Variants in CC2D1A observed in about 807,000 individuals in gnomAD.
CC2D1A encodes coiled-coil and C2 domain-containing protein 1A.
In CC2D1A, 68 loss-of-function variants were observed where a neutral mutation model predicts 123.8. The ratio of observed to expected loss-of-function variants is 0.55; its 90% CI spans 0.45 to 0.67. The LOEUF (loss-of-function observed/expected upper bound fraction) is 0.67, where lower values mean the gene tolerates loss of function less well. CC2D1A is among the 30% of genes least tolerant of loss of function. The pLI is 0.00. For missense variants in CC2D1A, 1,185 were observed against 1,290.3 expected (o/e 0.92, Z 1.25); for synonymous variants, 477 against 528.0 (o/e 0.90, Z 1.32).
At chr19:13,907,713 TAA>T in intron 1 of CC2D1A, among the ~76,000 whole-genome samples, 1 of 151,740 alleles carries the variant, frequency 6.6e-6, no homozygotes, top group Non-Finnish European at 1.5e-5. Context: ...AATAAATAAA[TAA>T]AAAATTAAAA....
At chr19:13,920,953 A>G in intron 14 of CC2D1A, 31 bp downstream of exon 14, 2 of 1,578,562 alleles carry the variant, frequency 1.3e-6, no homozygotes, top group Non-Finnish European at 1.7e-6. Flanking sequence ...GGAACTGCCC[A>G]GGCACCCACT....
In CC2D1A at chr19:13,913,438, G is replaced by T. The variant is rs1207034265; in HGVS notation, c.548G>T (p.Gly183Val). 6 of 1,614,064 alleles carry T rather than the reference G, an allele frequency of 3.7e-6. No homozygotes were observed. The highest frequency in any genetic ancestry group is 5.1e-6 in the Non-Finnish European group (6 of 1,180,046). The change falls in exon 6 of 29, where the codon GGC becomes GTC. Residue 183 changes from glycine to valine, a missense_variant. Coordinates refer to ENST00000318003, the MANE Select transcript of CC2D1A (RefSeq NM_017721.5). ...LENLLASIRK[G>V]NAIDEADIPP... is the part of the protein sequence containing the mutation. ...AACCTGCTCGCCTCCATCCGTAAGG[G>T]CAATGCCATTGACGAAGCGGACATC... is the stretch of plus-strand genomic sequence containing the variant.
At chr19:13,918,877 G>A (rs1163934749) in intron 9 of CC2D1A, 35 bp from the exon 10 acceptor site, 4 of 1,607,976 alleles carry the variant, frequency 2.5e-6, no homozygotes, top group East Asian at 2.2e-5. Flanking sequence ...CTACCCATCC[G>A]TTGACTCTTA....
At chr19:13,928,392 A>G (rs1971732912) in intron 24 of CC2D1A, among the ~76,000 whole-genome samples, 1 of 152,044 alleles carries the variant, frequency 6.6e-6, no homozygotes, top group African/African-American at 2.4e-5. Flanking sequence ...TTGTCAACAT[A>G]TCCAGGCTTC....
Position 13,926,840 on chromosome 19 carries a change from A to G in CC2D1A, c.2093A>G (p.Lys698Arg). 1 of 1,614,104 alleles carries G rather than the reference A, an allele frequency of 6.2e-7. No homozygotes were observed. The highest frequency in any genetic ancestry group is 8.5e-7 in the Non-Finnish European group (1 of 1,180,012). The change falls in exon 20 of 29, where the codon AAG (lysine) becomes AGG (arginine). Residue 698 changes from lysine (K) to arginine (R), a missense_variant. By Grantham distance (26) the Lys-to-Arg change is conservative (BLOSUM62 2). Transcript: ENST00000318003. The stretch of plus-strand genomic sequence containing the variant: ...TCATAGGAAGAAGCTCAGAAAGACA[A>G]GACCAGTGTGATCAAGAACACAGAC... ...YPNVEEAQKD[K>R]TSVIKNTDSP... is the part of the protein sequence containing the mutation.
rs1025387408 is a variant in CC2D1A at position 13,920,314 on chromosome 19, G to A, written c.1357-243G>A. The A allele has an allele frequency of 1.9e-5, 10 of 540,386 alleles. No homozygotes were observed. In the East Asian group the frequency reaches 2.6e-4, roughly 14 times the overall value. 33.5% of individuals were successfully genotyped at this position (540,386 alleles called of 1,614,324 possible). On this transcript the variant is annotated intron_variant, in intron 12 of 28. Coordinates refer to ENST00000318003, the MANE Select transcript of CC2D1A (RefSeq NM_017721.5). ...TTGCTTGAACCGGGAGGCAGAGGTT[G>A]CAGTGAGCCAAGATCGTGCTACTGC...
At position 13,929,667 on chromosome 19, in the gene CC2D1A, G is replaced by A; in HGVS notation, c.2710+7G>A. The A allele has an allele frequency of 6.6e-7, 1 of 1,521,554 alleles. No individual in the cohort carries two copies. The highest frequency in any genetic ancestry group is 8.8e-7 in the Non-Finnish European group (1 of 1,135,390). The allele number at this position is 1,521,554 out of a possible 1,614,324, so 94.3% of individuals were successfully genotyped here. On this transcript the variant is annotated splice_region_variant and intron_variant, in intron 26 of 28. Transcript: ENST00000318003. ...GGTGTGGGCATCCGACGGGGTAGGG[G>A]TTTGGAGATGGGCATCTGGTGGGGG... is the stretch of plus-strand genomic sequence containing the variant.
rs187912873 is a variant in CC2D1A, at chr19:13,912,411, C to G, written c.285C>G (p.Asp95Glu). The change falls in exon 3 of 29, where the codon GAC becomes GAG. Residue 95 changes from aspartate (D) to glutamate (E), a missense_variant. Asp to Glu is a conservative substitution (Grantham distance 45). Coordinates refer to ENST00000318003, the MANE Select transcript of CC2D1A (RefSeq NM_017721.5). ...DEDEEEGTDE[D>E]DLEADDDLLA... ...ATGAGGAGGAGGGGACGGATGAGGA[C>G]GACTTGGAGGCTGATGATGACCTGC... 1.7e-4 allele frequency: 278 copies of G among 1,613,640 alleles called. 2 individuals are homozygous for G. Among genetic ancestry groups the G allele is most frequent in the Non-Finnish European group, 2.1e-5 (25 of 1,179,830 alleles).
Position 13,912,320 on chromosome 19 carries a change from C to T in CC2D1A, c.197-3C>T, listed in dbSNP as rs1382165084. 6.3e-7 allele frequency: 1 copy of T among 1,594,086 alleles called. No homozygotes were observed. The highest frequency in any genetic ancestry group is 1.1e-5 in the South Asian group (1 of 88,174). The stretch of plus-strand genomic sequence containing the variant: ...TCCACCTGGGGCATCCCCCTACCGC[C>T]AGGTCCCTTGCCGATGGAGGCCATT... On this transcript the variant is annotated splice_polypyrimidine_tract_variant and splice_region_variant and intron_variant, in intron 2 of 28. Coordinates refer to ENST00000318003, the MANE Select transcript of CC2D1A (RefSeq NM_017721.5).
intron 17 of CC2D1A, among the ~76,000 whole-genome samples, chr19:13,925,854 A>G (rs1331094217): frequency 7.1e-6 from 1 of 140,676 alleles, no homozygotes; most frequent in Non-Finnish European, 1.5e-5. Context: ...TGGGAGGTGG[A>G]GGTTGCAGTG....
chr19:13,925,947 T>G (rs1169925094), intron 17 of CC2D1A, among the ~76,000 whole-genome samples: 1 of 131,950 alleles, frequency 7.6e-6, no homozygotes, highest in East Asian at 2.0e-4. Flanking sequence ...TATATATATA[T>G]ATATATATAT....
In CC2D1A at chr19:13,923,613, G is replaced by A. The variant is rs762847669; in HGVS notation, c.1823+7G>A. 1.9e-6 allele frequency: 3 copies of A among 1,614,156 alleles called. No homozygotes were observed. The East Asian group carries it at 6.7e-5, about 36-fold the overall frequency. On this transcript the variant is annotated splice_region_variant and intron_variant, in intron 16 of 28. Coordinates refer to ENST00000318003, the MANE Select transcript of CC2D1A (RefSeq NM_017721.5). The surrounding 1 kb of genome is among the most constrained non-coding windows in gnomAD (Gnocchi z 5.3). Reference sequence around the variant, plus strand: ...ACATCACTGAAACCACCAAGTAAGTGCCCTGACCTGTGCCAGACACTTGCA... The same window carrying A: ...ACATCACTGAAACCACCAAGTAAGTACCCTGACCTGTGCCAGACACTTGCA...
intron 24 of CC2D1A, 74 bp downstream of exon 24, chr19:13,928,262 C>A: frequency 7.5e-7 from 1 of 1,340,584 alleles, no homozygotes; most frequent in Non-Finnish European, 1.0e-6. Context: ...CAGTTTCCCA[C>A]CAGGCACAAA....
intron 22 of CC2D1A, 140 bp from the exon 23 acceptor site, chr19:13,927,753 G>T: frequency 6.7e-6 from 6 of 900,382 alleles, no homozygotes; most frequent in Non-Finnish European, 1.0e-5. Flanking sequence ...CTGCACTCCA[G>T]CCTGGACAAC....
chr19:13,917,523 C>A (rs1971248454), intron 6 of CC2D1A, among the ~76,000 whole-genome samples: 1 of 152,138 alleles, frequency 6.6e-6, no homozygotes, highest in South Asian at 2.1e-4. Context: ...GTGAGCAGAT[C>A]ACTTGAGGTC....
rs3217680 is a variant in CC2D1A at position 13,928,036 on chromosome 19, AC to A, written c.2454+12del. ...TGCCGGCAGCTGTGCCCACAGTGAG[AC>A]CCCCCACCCCCACCCATCAGCAACC... On this transcript the variant is annotated splice_region_variant and intron_variant, in intron 23 of 28. Coordinates refer to ENST00000318003, the MANE Select transcript of CC2D1A (RefSeq NM_017721.5). The A allele has an allele frequency of 4.4e-6, 7 of 1,606,688 alleles. No homozygotes were observed. Among genetic ancestry groups the A allele is most frequent in the African/African-American group, 1.4e-5 (1 of 74,034 alleles).
Position 13,907,549 on chromosome 19 carries a change from T to C in CC2D1A, c.60+1048T>C, listed in dbSNP as rs535590723. Among the ~76,000 whole-genome samples the C allele has an allele frequency of 2.9e-4, 44 of 152,136 alleles. 1 individual carries two copies. Among genetic ancestry groups the C allele is most frequent in the African/African-American group, 9.2e-4 (38 of 41,512 alleles). On this transcript the variant is annotated intron_variant, in intron 1 of 28. Coordinates refer to ENST00000318003, the MANE Select transcript of CC2D1A (RefSeq NM_017721.5). Reference sequence around the variant, plus strand: ...TTAGCTGGGCATGGTGGCGGGCACCTGTAATCCCAGCTACTCGGGAGGCTG... The same window carrying C: ...TTAGCTGGGCATGGTGGCGGGCACCCGTAATCCCAGCTACTCGGGAGGCTG...
At chr19:13,924,807 G>A (rs991822729) in intron 17 of CC2D1A, among the ~76,000 whole-genome samples, 2 of 151,982 alleles carry the variant, frequency 1.3e-5, no homozygotes, top group African/African-American at 2.4e-5. Flanking sequence ...CTAGCCCTCC[G>A]GTGGTTCCCA....
Position 13,913,539 on chromosome 19 carries a change from A to G in CC2D1A, c.649A>G (p.Arg217Gly), listed in dbSNP as rs2145311609. Residue 217 changes from arginine to glycine, a missense_variant, in exon 6 of 29, where the codon AGA (arginine) becomes GGA (glycine). Transcript: ENST00000318003. ...CCCTGCACCCACCCAGCCGGCCCCT[A>G]GAATCGCGTCAGCCCCAGAGCCCAG... Reference protein sequence around the residue: ...YSPAPTQPAPRIASAPEPRVT... With the variant: ...YSPAPTQPAPGIASAPEPRVT... The G allele has an allele frequency of 2.5e-6, 4 of 1,614,148 alleles. No homozygotes were observed. Among genetic ancestry groups the G allele is most frequent in the African/African-American group, 1.3e-5 (1 of 75,058 alleles).
Sources: allele counts gnomAD v4.1 joint callset (sites outside exome capture counted in the v4.1 genomes callset), GRCh38; gene constraint gnomAD v4.1.1; non-coding constraint Gnocchi (gnomAD v3.1); transcripts MANE v1.5; gene names NCBI Gene and HGNC (gene_info 2026-07-23, HGNC 2026-07-21).